The following RGPD1 variants were observed in gnomAD, a reference collection of about 807,000 sequenced individuals.
RGPD1 encodes the protein RANBP2-like and GRIP domain-containing protein 1.
RGPD1 carries 7 observed loss-of-function variants against 40.6 expected under a neutral mutation model. That is an observed-to-expected ratio of 0.17 (90% confidence interval 0.10 to 0.32). RGPD1 has a LOEUF of 0.32. RGPD1 is among the 10% of genes least tolerant of loss of function. RGPD1 has a pLI of 1.00. For missense variants in RGPD1, 50 were observed against 472.5 expected (o/e 0.11, Z 8.29); for synonymous variants, 24 against 167.0 (o/e 0.14, Z 6.60).
Position 86,942,366 on chromosome 2 carries a change from TGGCCGGGCGGCGGCCTC to T in RGPD1, c.72+60_72+76del, listed in dbSNP as rs1679875581. On this transcript the variant is annotated intron_variant, in intron 1 of 22. Transcript: ENST00000641458. ...ACCTGGCCGGGCGGCGGCCTCGACC[TGGCCGGGCGGCGGCCTC>T]GACCTGGCCGGGCGGCGGCCTCGAT... 1.0e-5 allele frequency: 14 copies of T among 1,346,810 alleles called. No individual in the cohort carries two copies. In the Admixed American group the frequency reaches 2.0e-4, roughly 19 times the overall value. The allele number at this position is 1,346,810 out of a possible 1,614,324, so 83.4% of individuals were successfully genotyped here. A position where few individuals can be genotyped will look rare whatever the true frequency, so the allele number is the denominator to read the frequency against.
At chr2:86,942,905 C>T (rs967956702) in intron 1 of RGPD1, among the ~76,000 whole-genome samples, 6 of 152,002 alleles carry the variant, frequency 3.9e-5, no homozygotes, top group East Asian at 1.9e-4. Flanking sequence ...CGGTTTGTTC[C>T]CGACGGTGCT....
chr2:86,927,110 G>A (rs71217807), intron 1 of RGPD1, among the ~76,000 whole-genome samples: 6 of 152,042 alleles, frequency 3.9e-5, no homozygotes, highest in African/African-American at 9.7e-5. Flanking sequence ...ACTTAAATCA[G>A]TTTTAATTAA....
intron 21 of RGPD1, among the ~76,000 whole-genome samples, chr2:86,996,848 AG>A (rs1467644659): frequency 2.1e-5 from 2 of 96,538 alleles, no homozygotes; most frequent in African/African-American, 8.9e-5. Context: ...GCGTAGGGGC[AG>A]GGGGTTAGTG....
chr2:86,978,044 A>G (rs1681334437), intron 17 of RGPD1, 113 bp downstream of exon 17: 2 of 482,100 alleles, frequency 4.1e-6, no homozygotes, highest in South Asian at 2.2e-5. Flanking sequence ...TCCAAATAGT[A>G]TGGCAAGGGG....
chr2:86,923,040 T>G (rs1339674537), intron 1 of RGPD1, among the ~76,000 whole-genome samples: 1 of 117,016 alleles, frequency 8.5e-6, no homozygotes, highest in African/African-American at 3.2e-5. Context: ...TTCCTTTTTT[T>G]TTTTTTTTTT....
At chr2:86,977,547 T>A in intron 15 of RGPD1, 33 bp from the exon 16 acceptor site, 1 of 9,318 alleles carries the variant, frequency 1.1e-4, no homozygotes, top group Non-Finnish European at 2.1e-4. Context: ...TTTTTGCAAA[T>A]GAAAGCCCTT....
upstream of RGPD1, among the ~76,000 whole-genome samples, chr2:86,941,477 T>C (rs1679743553): frequency 6.7e-6 from 1 of 149,032 alleles, no homozygotes; most frequent in Non-Finnish European, 1.5e-5. Flanking sequence ...AACCTGGAAC[T>C]CTTGGGATCC....
Position 86,997,776 on chromosome 2 carries a change from CT to C in RGPD1, c.5236+19del. 2.0e-6 allele frequency: 1 copy of C among 508,616 alleles called. No individual in the cohort carries two copies. Among genetic ancestry groups the C allele is most frequent in the Non-Finnish European group, 3.5e-6 (1 of 287,862 alleles). 31.5% of individuals were successfully genotyped at this position (508,616 alleles called of 1,614,324 possible). A position where few individuals can be genotyped will look rare whatever the true frequency, so the allele number is the denominator to read the frequency against. ...TGCTCAAGGTGGGTAAAAGGAGAGTCTCAGAACTTCTGACTTCTAACTTAAA... is the reference window on the plus strand; with the variant it reads ...TGCTCAAGGTGGGTAAAAGGAGAGTCCAGAACTTCTGACTTCTAACTTAAA... On this transcript the variant is annotated intron_variant, in intron 22 of 22. Transcript: ENST00000641458.
chr2:86,929,449 G>C lies in RGPD1; in HGVS notation c.72+15528G>C, dbSNP rs943118277. On this transcript the variant is annotated intron_variant, in intron 1 of 22. Transcript: ENST00000398193. ...TGTCAGAGCGATCAGACACAGAAAT[G>C]TTAATTCATGTTCAAAAATAATAAC... 4.0e-5 allele frequency among the ~76,000 whole-genome samples: 6 copies of C among 151,648 alleles called. No homozygotes were observed. The South Asian group carries it at 1.0e-3, about 26-fold the overall frequency.
At chr2:86,942,384 G>GACCTGGCCGGGCGGCGGCCTCT (rs1679883020) in intron 1 of RGPD1, 76 bp downstream of exon 1, 1 of 1,393,196 alleles carries the variant, frequency 7.2e-7, no homozygotes, top group Admixed American at 2.7e-5. Context: ...CGGCGGCCTC[G>GACCTGGCCGGGCGGCGGCCTCT]ACCTGGCCGG....
chr2:86,951,719 CTGTAAT>C (rs1273884597), intron 2 of RGPD1, among the ~76,000 whole-genome samples: 1 of 26,094 alleles, frequency 3.8e-5, no homozygotes, highest in Non-Finnish European at 6.1e-5. Flanking sequence ...GAATAAAAAA[CTGTAAT>C]TGTAAGGCAG....
At chr2:86,927,043 T>C (rs1265838316) in intron 1 of RGPD1, among the ~76,000 whole-genome samples, 1 of 152,194 alleles carries the variant, frequency 6.6e-6, no homozygotes, top group Non-Finnish European at 1.5e-5. Flanking sequence ...ATTTTCATGA[T>C]TTTTTTCATT....
intron 1 of RGPD1, among the ~76,000 whole-genome samples, chr2:86,945,591 T>G (rs1254012555): frequency 1.3e-5 from 2 of 152,214 alleles, no homozygotes. Flanking sequence ...TTCTCTTGTT[T>G]TGCCATTTTT....
intron 1 of RGPD1, among the ~76,000 whole-genome samples, chr2:86,924,665 C>G (rs562031772): frequency 4.6e-4 from 70 of 151,444 alleles, no homozygotes; most frequent in African/African-American, 1.5e-3. Context: ...CAAGGTCTTA[C>G]TATAATATGT....
chr2:86,930,640 C>G, intron 1 of RGPD1: 4 of 1,611,592 alleles, frequency 2.5e-6, no homozygotes, highest in Non-Finnish European at 3.4e-6. Flanking sequence ...TGAACACTCT[C>G]ACAGAGGTAG....
chr2:87,008,073 CA>C, intron 22 of RGPD1, among the ~76,000 whole-genome samples: 1 of 54,944 alleles, frequency 1.8e-5, no homozygotes, highest in South Asian at 6.2e-4. Flanking sequence ...AGCATTCTCA[CA>C]CCCCTTGCAT....
Position 87,000,346 on chromosome 2 carries a change from C to T in RGPD1, c.5236+2588C>T, listed in dbSNP as rs1030366456. On this transcript the variant is annotated intron_variant, in intron 22 of 22. Transcript: ENST00000641458. ...GCATGTTTAATGTAGACGTTGCTAA[C>T]GTCCAGGTGGCTCCTATAAGTTAAG... is the stretch of plus-strand genomic sequence containing the variant. Among the ~76,000 whole-genome samples the T allele has an allele frequency of 5.7e-5, 7 of 122,348 alleles. 1 individual carries two copies. Among genetic ancestry groups the T allele is most frequent in the African/African-American group, 8.7e-5 (2 of 22,950 alleles). 80.3% of individuals were successfully genotyped at this position (122,348 alleles called of 152,430 possible). A position where few individuals can be genotyped will look rare whatever the true frequency, so the allele number is the denominator to read the frequency against.
intron 1 of RGPD1, chr2:86,913,935 G>T (rs1487319808): frequency 1.4e-6 from 2 of 1,419,374 alleles, no homozygotes; most frequent in Non-Finnish European, 1.9e-6. Flanking sequence ...AGTGGATCTC[G>T]AAGAGACCGA....
At chr2:86,962,579 A>G (rs1404401654) in intron 6 of RGPD1, among the ~76,000 whole-genome samples, 1 of 132,000 alleles carries the variant, frequency 7.6e-6, no homozygotes, top group Non-Finnish European at 1.6e-5. Context: ...AAAAAGAGCA[A>G]TTGCTGTATT....
Sources: allele counts gnomAD v4.1 joint callset (sites outside exome capture counted in the v4.1 genomes callset), GRCh38; gene constraint gnomAD v4.1.1; transcripts MANE v1.5; gene names NCBI Gene and HGNC (gene_info 2026-07-23, HGNC 2026-07-21).